The following ASPG variants were observed in gnomAD, a reference collection of about 807,000 sequenced individuals.
ASPG encodes asparaginase.
ASPG carries 53 observed loss-of-function variants against 63.2 expected under a neutral mutation model. That is an observed-to-expected ratio of 0.84 (90% CI 0.67 to 1.05). The LOEUF is 1.05. ASPG is among the 50% of genes least tolerant of loss of function. ASPG has a pLI of 0.00. For missense variants in ASPG, 741 were observed against 794.4 expected, an observed-to-expected ratio of 0.93 and a Z score of 0.81; for synonymous variants, 370 against 355.0, an observed-to-expected ratio of 1.04 and a Z score of -0.48.
At chr14:104,102,053 G>T (rs981684052) in intron 6 of ASPG, among the ~76,000 whole-genome samples, 1 of 152,122 alleles carries the variant, frequency 6.6e-6, no homozygotes, top group Non-Finnish European at 1.5e-5. Flanking sequence ...GGTCAGTGCG[G>T]GGTGGGTGTG....
At chr14:104,107,113 C>A in intron 11 of ASPG, 69 bp from the exon 12 acceptor site, 1 of 1,508,528 alleles carries the variant, frequency 6.6e-7, no homozygotes, top group South Asian at 1.3e-5. Flanking sequence ...AGGGACCCCA[C>A]CCTCCCCATG....
Position 104,109,340 on chromosome 14 carries a change from C to CT in ASPG, c.1520+27dup, listed in dbSNP as rs1244863150. ...GGTGAGTGCAGCTAGAGCACCTGCT[C>CT]TTCCAGGGATGTGGGGGACACAGCT... On this transcript the variant is annotated intron_variant, in intron 13 of 15. Coordinates refer to ENST00000551177, the MANE Select transcript of ASPG (RefSeq NM_001080464.3). The surrounding 1 kb of genome is among the most constrained non-coding windows in gnomAD (Gnocchi z 4.8). 6.3e-7 allele frequency: 1 copy of CT among 1,584,828 alleles called. No homozygotes were observed.
rs1166546199 is a variant in ASPG at position 104,092,698 on chromosome 14, C to T, written c.148C>T (p.His50Tyr). 2 of 1,537,758 alleles carry T rather than the reference C, an allele frequency of 1.3e-6. No homozygotes were observed. The highest frequency in any genetic ancestry group is 1.7e-6 in the Non-Finnish European group (2 of 1,147,576). ...RTLPMFHDEEHARARGLSEDT... is the reference protein window; with the variant it reads ...RTLPMFHDEEYARARGLSEDT... Reference sequence around the variant, plus strand: ...ACTGCCCATGTTCCATGACGAGGAGCACGCCCGAGCCCGCGGCCTCTCTGA... The same window carrying T: ...ACTGCCCATGTTCCATGACGAGGAGTACGCCCGAGCCCGCGGCCTCTCTGA... Residue 50 changes from histidine to tyrosine, a missense_variant, in exon 2 of 16, where the codon CAC becomes TAC. Physicochemically the swap from His to Tyr is moderately conservative, Grantham distance 83. Coordinates refer to ENST00000551177, the MANE Select transcript of ASPG (RefSeq NM_001080464.3).
chr14:104,090,364 T>C (rs1399918102), intron 1 of ASPG, among the ~76,000 whole-genome samples: 5 of 152,224 alleles, frequency 3.3e-5, no homozygotes, highest in African/African-American at 9.6e-5. Context: ...CCCCTCCACC[T>C]TTCCCATAAG....
At chr14:104,105,277 G>A (rs1157277729) in intron 9 of ASPG, 51 bp from the exon 10 acceptor site, 8 of 1,612,374 alleles carry the variant, frequency 5.0e-6, no homozygotes, top group East Asian at 2.2e-5. Flanking sequence ...GCTGTCCTGG[G>A]CTGCCCATCC....
chr14:104,104,579 C>T (rs376007047), intron 8 of ASPG, 43 bp from the exon 9 acceptor site: 24 of 1,582,776 alleles, frequency 1.5e-5, no homozygotes, highest in African/African-American at 1.2e-4. Context: ...GGCTGGGGGC[C>T]GTGGTGAGTC....
At chr14:104,103,452 G>A in intron 6 of ASPG, 111 bp from the exon 7 acceptor site, 4 of 932,634 alleles carry the variant, frequency 4.3e-6, no homozygotes, top group Non-Finnish European at 6.5e-6. Flanking sequence ...CGAAGGCTCA[G>A]GGCTCTGAAA....
At chr14:104,086,859 A>G (rs111639861) in intron 1 of ASPG, among the ~76,000 whole-genome samples, 4,984 of 151,688 alleles carry the variant, frequency 0.033, 163 homozygotes, top group African/African-American at 0.086. Flanking sequence ...CTCTCCTGGG[A>G]CGGCTGGGAC....
At chr14:104,112,073 G>A (rs1449971966) in intron 15 of ASPG, 73 bp downstream of exon 15, 13 of 1,411,046 alleles carry the variant, frequency 9.2e-6, no homozygotes, top group Non-Finnish European at 1.3e-5. Flanking sequence ...CTGGCTCGGG[G>A]GGGCGTAATC....
intron 12 of ASPG, chr14:104,108,915 G>C (rs538722652): frequency 1.0e-6 from 1 of 985,386 alleles, no homozygotes; most frequent in South Asian, 4.7e-5. Context: ...GAGCTATTCT[G>C]CTAGCACCAA....
intron 6 of ASPG, among the ~76,000 whole-genome samples, chr14:104,103,063 AG>A (rs1248984113): frequency 6.6e-6 from 1 of 152,234 alleles, no homozygotes; most frequent in African/African-American, 2.4e-5. Context: ...GTGCCTGGCA[AG>A]GGGCAGAGGA....
chr14:104,103,494 A>C, intron 6 of ASPG, 69 bp from the exon 7 acceptor site: 2 of 1,377,004 alleles, frequency 1.5e-6, no homozygotes, highest in Non-Finnish European at 1.0e-6. Context: ...GCAGAGGGCC[A>C]GGCACTGGGC....
rs940500400 is a variant in ASPG at position 104,091,755 on chromosome 14, A to G, written c.83-878A>G. Among the ~76,000 whole-genome samples the G allele has an allele frequency of 6.6e-6, 1 of 150,544 alleles. No homozygotes were observed. Among genetic ancestry groups the G allele is most frequent in the African/African-American group, 2.5e-5 (1 of 40,792 alleles). On this transcript the variant is annotated intron_variant, in intron 1 of 15. Coordinates refer to ENST00000551177, the MANE Select transcript of ASPG (RefSeq NM_001080464.3). This position sits in a 1 kb window ranked among gnomAD's most constrained non-coding sequence, Gnocchi z 6.4. ...GTACAGCTGCAGAGGGCGAGGGGGGAAAGCAGGTGACCATGGCTGGGATCT... is the reference window on the plus strand; with the variant it reads ...GTACAGCTGCAGAGGGCGAGGGGGGGAAGCAGGTGACCATGGCTGGGATCT...
chr14:104,113,128 A>G lies in ASPG; in HGVS notation c.*584A>G. 5.9e-6 allele frequency: 1 copy of G among 170,710 alleles called. No individual in the cohort carries two copies. The highest frequency in any genetic ancestry group is 1.3e-5 in the Non-Finnish European group (1 of 79,446). The allele number at this position is 170,710 out of a possible 1,614,324, so 10.6% of individuals were successfully genotyped here. A position where few individuals can be genotyped will look rare whatever the true frequency, so the allele number is the denominator to read the frequency against. On this transcript the variant is annotated 3_prime_UTR_variant, in exon 16 of 16. Coordinates refer to ENST00000551177, the MANE Select transcript of ASPG (RefSeq NM_001080464.3). Reference sequence around the variant, plus strand: ...TTTTCTGTCACCCCAGTATCGCTGCACCCGGCCCCCCTCTCAGGCCAGGGC... The same window carrying G: ...TTTTCTGTCACCCCAGTATCGCTGCGCCCGGCCCCCCTCTCAGGCCAGGGC...
Position 104,104,338 on chromosome 14 carries a change from T to C in ASPG, c.788T>C (p.Val263Ala). Reference sequence around the variant, plus strand: ...TTCTTGCAGCCTCCCCTGAAGGGCGTGGTCATGGAGACCTTCGGTTCAGGG... The same window carrying C: ...TTCTTGCAGCCTCCCCTGAAGGGCGCGGTCATGGAGACCTTCGGTTCAGGG... ...RAFLQPPLKG[V>A]VMETFGSGNG... is the part of the protein sequence containing the mutation. Residue 263 changes from valine to alanine, a missense_variant, in exon 8 of 16, where the codon GTG (valine) becomes GCG (alanine). Coordinates refer to ENST00000551177, the MANE Select transcript of ASPG (RefSeq NM_001080464.3). 1 of 1,612,314 alleles carries C rather than the reference T, an allele frequency of 6.2e-7. No homozygotes were observed. Among genetic ancestry groups the C allele is most frequent in the Non-Finnish European group, 8.5e-7 (1 of 1,179,720 alleles).
chr14:104,092,852 C>A, intron 2 of ASPG, 111 bp downstream of exon 2: 1 of 856,514 alleles, frequency 1.2e-6, no homozygotes, highest in Non-Finnish European at 1.8e-6. Flanking sequence ...TCACCCCTGT[C>A]TCTAACATCC....
chr14:104,111,146 T>C (rs2037367099), intron 13 of ASPG: 26 of 985,340 alleles, frequency 2.6e-5, no homozygotes, highest in Non-Finnish European at 2.9e-5. Flanking sequence ...AAGGCGCATG[T>C]GCTCATGTGT....
Position 104,104,432 on chromosome 14 carries a change from C to T in ASPG, c.882C>T (p.Val294=). ...CCACCGAGCGCGGCCTGGTCATCGT[C>T]AACTGTACCCACTGCCTCCAGGGGG... The part of the protein sequence containing the change: ...RVATERGLVI[V]NCTHCLQGAV... Residue 294 remains valine, a synonymous_variant, in exon 8 of 16, where the codon GTC becomes GTT. Coordinates refer to ENST00000551177, the MANE Select transcript of ASPG (RefSeq NM_001080464.3). 1 of 1,612,590 alleles carries T rather than the reference C, an allele frequency of 6.2e-7. No homozygotes were observed. Among genetic ancestry groups the T allele is most frequent in the Non-Finnish European group, 8.5e-7 (1 of 1,179,798 alleles).
rs2037318747 is a variant in ASPG, at chr14:104,109,996, A to C, written c.1520+681A>C. ...GTGGAGGTGGGCCAGGGATGCAGGGATCCTCCTCTGTCCGCCACAGCCAGA... is the reference window on the plus strand; with the variant it reads ...GTGGAGGTGGGCCAGGGATGCAGGGCTCCTCCTCTGTCCGCCACAGCCAGA... On this transcript the variant is annotated intron_variant, in intron 13 of 15. Transcript: ENST00000551177. This position sits in a 1 kb window ranked among gnomAD's most constrained non-coding sequence, Gnocchi z 4.8. 1.0e-6 allele frequency: 1 copy of C among 985,000 alleles called. No homozygotes were observed. Among genetic ancestry groups the C allele is most frequent in the African/African-American group, 1.8e-5 (1 of 57,116 alleles). The allele number at this position is 985,000 out of a possible 1,614,324, so 61.0% of individuals were successfully genotyped here.
Sources: gnomAD v4.1 joint callset for allele counts (sites outside exome capture counted in the v4.1 genomes callset) on GRCh38, gnomAD v4.1.1 for gene constraint, Gnocchi (gnomAD v3.1) non-coding constraint, MANE v1.5 for transcripts, NCBI Gene and HGNC (gene_info 2026-07-23, HGNC 2026-07-21) for gene names.